PAIP1: variants seen among roughly 807,000 people sequenced by gnomAD.
PAIP1 encodes poly(A) binding protein interacting protein 1.
Under a neutral mutation model 61.3 loss-of-function variants are expected in PAIP1, and 16 were observed. The ratio of observed to expected loss-of-function variants is 0.26; its 90% CI spans 0.18 to 0.40. The LOEUF is 0.40. Among genes scored for constraint, PAIP1 ranks in the 10% least tolerant of loss-of-function variants. The pLI is 1.00. For missense variants in PAIP1, 416 were observed against 600.9 expected (o/e 0.69, Z 3.22); for synonymous variants, 187 against 226.2 (o/e 0.83, Z 1.56).
At chr5:43,543,233 G>T in intron 3 of PAIP1, 117 bp from the exon 4 acceptor site, 4 of 361,762 alleles carry the variant, frequency 1.1e-5, no homozygotes, top group Non-Finnish European at 1.6e-5. Flanking sequence ...ATATATACAA[G>T]TCTTTTGTCA....
chr5:43,538,526 G>A (rs1747249051), intron 5 of PAIP1, among the ~76,000 whole-genome samples: 1 of 152,140 alleles, frequency 6.6e-6, no homozygotes. Flanking sequence ...AGAGACTCTA[G>A]TCTCTCTTTT....
At chr5:43,529,913 G>GA in intron 9 of PAIP1, 34 bp from the exon 10 acceptor site, 1 of 960,052 alleles carries the variant, frequency 1.0e-6, no homozygotes, top group East Asian at 2.4e-5. Flanking sequence ...ACTAAATACT[G>GA]AAAAAATATC....
At chr5:43,556,218 G>C (rs140128914) in intron 1 of PAIP1, 1 of 1,301,188 alleles carries the variant, frequency 7.7e-7, no homozygotes, top group African/African-American at 1.5e-5. Flanking sequence ...TCTCAAATGA[G>C]TGCTTGCGAG....
intron 2 of PAIP1, among the ~76,000 whole-genome samples, chr5:43,550,930 AATAT>A (rs1420691425): frequency 6.6e-6 from 1 of 151,906 alleles, no homozygotes; most frequent in Non-Finnish European, 1.5e-5. Context: ...CAGCCATACA[AATAT>A]CTAAGGAAAG....
At chr5:43,529,634 T>G (rs773809889) in intron 10 of PAIP1, 152 bp downstream of exon 10, 5 of 619,226 alleles carry the variant, frequency 8.1e-6, no homozygotes, top group Non-Finnish European at 1.2e-5. Context: ...TCAAGTGATC[T>G]GCCCTCCTCA....
chr5:43,531,615 T>G (rs1746932276), intron 9 of PAIP1, among the ~76,000 whole-genome samples: 1 of 120,760 alleles, frequency 8.3e-6, no homozygotes, highest in Non-Finnish European at 1.6e-5. Context: ...CGAGGTTGCA[T>G]CACCGCACCC....
At position 43,543,109 on chromosome 5, in the gene PAIP1, G is replaced by A. The variant is rs1004196277; in HGVS notation, c.629C>T (p.Ser210Phe). ...LVELIYQQAT[S>F]IPNFSYMGAR... Reference sequence around the variant, plus strand: ...TCCCATATAAGAGAAATTTGGGATAGATGTGGCCTTTTAAAAAGAAGAAAA... The same window carrying A: ...TCCCATATAAGAGAAATTTGGGATAAATGTGGCCTTTTAAAAAGAAGAAAA... The change falls in exon 4 of 11, where the codon TCT (serine) becomes TTT (phenylalanine). Residue 210 changes from serine (S) to phenylalanine (F), a missense_variant. Around this residue, in one of 4 missense-constraint regions of PAIP1, gnomAD observed 180 missense variants for 211.2 expected, o/e 0.85. Transcript: ENST00000306846. 6.4e-7 allele frequency: 1 copy of A among 1,573,996 alleles called. No homozygotes were observed. Among genetic ancestry groups the A allele is most frequent in the Admixed American group, 1.7e-5 (1 of 59,548 alleles).
intron 2 of PAIP1, 140 bp downstream of exon 2, chr5:43,555,690 T>G: frequency 1.7e-6 from 1 of 597,796 alleles, no homozygotes; most frequent in Non-Finnish European, 3.0e-6. Flanking sequence ...TCCTTCTGAG[T>G]TCAATAATTC....
chr5:43,537,483 A>G (rs1300715007), intron 5 of PAIP1, among the ~76,000 whole-genome samples: 2 of 152,160 alleles, frequency 1.3e-5, no homozygotes, highest in South Asian at 4.1e-4. Flanking sequence ...AGAACATGGC[A>G]TAAGATTTTT....
At chr5:43,546,226 C>CA (rs1167422634) in intron 3 of PAIP1, among the ~76,000 whole-genome samples, 3 of 152,194 alleles carry the variant, frequency 2.0e-5, no homozygotes, top group African/African-American at 7.2e-5. Flanking sequence ...ACATATTTGA[C>CA]AATCAGAGAA....
chr5:43,552,371 A>G (rs1383610981), intron 2 of PAIP1, among the ~76,000 whole-genome samples: 4 of 152,248 alleles, frequency 2.6e-5, no homozygotes, highest in Non-Finnish European at 4.4e-5. Context: ...AGAAGTGGTC[A>G]AATAAATGAA....
chr5:43,546,666 CA>C (rs1747645086), intron 3 of PAIP1, among the ~76,000 whole-genome samples: 2 of 152,096 alleles, frequency 1.3e-5, no homozygotes, highest in Non-Finnish European at 2.9e-5. Flanking sequence ...GATCATGGCC[CA>C]TTTTTTTTGA....
intron 3 of PAIP1, 50 bp from the exon 4 acceptor site, chr5:43,543,166 T>C (rs1230906604): frequency 2.2e-6 from 2 of 892,372 alleles, no homozygotes; most frequent in Non-Finnish European, 3.7e-6. Flanking sequence ...TCATTATTAA[T>C]GTAAATACTT....
Position 43,556,941 on chromosome 5 carries a change from G to C in PAIP1, c.-95C>G. 1 of 1,282,662 alleles carries C rather than the reference G, an allele frequency of 7.8e-7. No homozygotes were observed. 79.5% of individuals were successfully genotyped at this position (1,282,662 alleles called of 1,614,324 possible). On this transcript the variant is annotated 5_prime_UTR_variant, in exon 1 of 11. Transcript: ENST00000306846. ...GCGCCGCGGGTCGGCTATAGCCGCC[G>C]CGCCTCACTCGGGCCTCATGGAGGA...
At chr5:43,551,702 A>G (rs2111593735) in intron 2 of PAIP1, among the ~76,000 whole-genome samples, 1 of 151,476 alleles carries the variant, frequency 6.6e-6, no homozygotes, top group South Asian at 2.1e-4. Context: ...ATCAAATGTC[A>G]TTCTTCGTGG....
In PAIP1 at chr5:43,537,331, A is replaced by T. The variant is rs568251715; in HGVS notation, c.847-387T>A. 7.9e-5 allele frequency among the ~76,000 whole-genome samples: 12 copies of T among 152,310 alleles called. No individual in the cohort carries two copies. In the East Asian group the frequency reaches 2.3e-3, roughly 29 times the overall value. ...ATATGTATCTTATATCACTGTGTAG[A>T]AGAATTTTAGGTGCAGGAACTAAGC... On this transcript the variant is annotated intron_variant, in intron 5 of 10. Transcript: ENST00000306846.
At chr5:43,546,294 C>G (rs531779763) in intron 3 of PAIP1, among the ~76,000 whole-genome samples, 1 of 152,212 alleles carries the variant, frequency 6.6e-6, no homozygotes, top group South Asian at 2.1e-4. Context: ...AGTATAATTA[C>G]GCAGCCTACT....
At position 43,538,902 on chromosome 5, in the gene PAIP1, TAACAA is replaced by T. The variant is rs767735526; in HGVS notation, c.846+17_846+21del. On this transcript the variant is annotated intron_variant, in intron 5 of 10. Coordinates refer to ENST00000306846, the MANE Select transcript of PAIP1 (RefSeq NM_006451.5). The stretch of plus-strand genomic sequence containing the variant: ...TATGTTCTCAGGCCTTGTTAGTACT[TAACAA>T]AAGAAAAACTTCTCACCTCCAGGTT... The T allele has an allele frequency of 1.5e-6, 2 of 1,297,206 alleles. No homozygotes were observed. The highest frequency in any genetic ancestry group is 2.2e-6 in the Non-Finnish European group (2 of 893,286). 80.4% of individuals were successfully genotyped at this position (1,297,206 alleles called of 1,614,324 possible).
intron 4 of PAIP1, among the ~76,000 whole-genome samples, chr5:43,541,954 A>G (rs1182216435): frequency 8.6e-5 from 13 of 151,814 alleles, no homozygotes; most frequent in Non-Finnish European, 1.6e-4. Context: ...AGGTGGGCGG[A>G]TCACTTGAGG....
Sources: allele counts gnomAD v4.1 joint callset (sites outside exome capture counted in the v4.1 genomes callset), GRCh38; gene constraint gnomAD v4.1.1; regional missense constraint gnomAD v4.1.1; transcripts MANE v1.5; gene names NCBI Gene and HGNC (gene_info 2026-07-23, HGNC 2026-07-21).